Variants in LRRFIP1 observed in about 807,000 individuals in gnomAD.
LRRFIP1 encodes leucine-rich repeat flightless-interacting protein 1.
A neutral mutation model predicts 104.4 loss-of-function variants in LRRFIP1; 62 were observed. The observed-to-expected ratio is 0.59, with a 90% CI of 0.48 to 0.73. The LOEUF (loss-of-function observed/expected upper bound fraction) is 0.73. LRRFIP1 is among the 30% of genes least tolerant of loss of function. The pLI, the probability that LRRFIP1 is intolerant of heterozygous loss-of-function variation, is 0.00. For synonymous variants in LRRFIP1, 300 were observed against 299.0 expected, an observed-to-expected ratio of 1.00 and a Z score of -0.03; for missense variants, 796 against 824.5, an observed-to-expected ratio of 0.97 and a Z score of 0.42.
At chr2:237,726,965 C>G (rs1320986312) in intron 7 of LRRFIP1, among the ~76,000 whole-genome samples, 2 of 152,162 alleles carry the variant, frequency 1.3e-5, no homozygotes, top group Non-Finnish European at 2.9e-5. Context: ...GTTCAAATTT[C>G]ATTTTGAAAA....
At chr2:237,670,707 G>A (rs1303828037) in intron 1 of LRRFIP1, among the ~76,000 whole-genome samples, 1 of 152,216 alleles carries the variant, frequency 6.6e-6, no homozygotes, top group Non-Finnish European at 1.5e-5. Context: ...CTGCCTGCCT[G>A]GGCCCAGCTC....
chr2:237,737,222 G>A (rs569892051), intron 10 of LRRFIP1, among the ~76,000 whole-genome samples: 3 of 152,318 alleles, frequency 2.0e-5, no homozygotes, highest in Admixed American at 2.0e-4. Context: ...TCCAGGAGCC[G>A]AGGAAGTTGT....
Position 237,779,454 on chromosome 2 carries a change from C to A in LRRFIP1, c.1845C>A (p.Leu615=). 1 of 1,613,728 alleles carries A rather than the reference C, an allele frequency of 6.2e-7. No individual in the cohort carries two copies. The highest frequency in any genetic ancestry group is 1.1e-5 in the South Asian group (1 of 91,050). Reference sequence around the variant, plus strand: ...CTGCATTGGATAAAACAGAAGAGCTCGAGGTGAGCAACGGCCACTTAGTGA... The same window carrying A: ...CTGCATTGGATAAAACAGAAGAGCTAGAGGTGAGCAACGGCCACTTAGTGA... ...LRSALDKTEE[L]EVSNGHLVKR... The change falls in exon 24 of 24, where the codon CTC becomes CTA. Residue 615 remains leucine (L), a synonymous_variant. Coordinates refer to ENST00000308482, the MANE Select transcript of LRRFIP1 (RefSeq NM_001137550.2).
intron 7 of LRRFIP1, among the ~76,000 whole-genome samples, chr2:237,727,210 G>A (rs1371647690): frequency 6.6e-6 from 1 of 152,120 alleles, no homozygotes; most frequent in African/African-American, 2.4e-5. Context: ...GCAAAAATTA[G>A]CCGGGCGTGG....
At chr2:237,670,730 T>C (rs2090210047) in intron 1 of LRRFIP1, among the ~76,000 whole-genome samples, 1 of 152,204 alleles carries the variant, frequency 6.6e-6, no homozygotes, top group African/African-American at 2.4e-5. Context: ...GCTGTGTGGC[T>C]CAGGACTATG....
intron 7 of LRRFIP1, among the ~76,000 whole-genome samples, chr2:237,726,729 C>T (rs1400469038): frequency 1.3e-5 from 2 of 152,304 alleles, no homozygotes; most frequent in East Asian, 1.9e-4. Flanking sequence ...GTAGACTGCT[C>T]CTCCTTTTTC....
chr2:237,645,025 T>A (rs2084644570), intron 1 of LRRFIP1, among the ~76,000 whole-genome samples: 1 of 152,224 alleles, frequency 6.6e-6, no homozygotes, highest in Non-Finnish European at 1.5e-5. Context: ...ATAAAGTTAC[T>A]GCTTCTCCCT....
At chr2:237,746,820 AG>A (rs1169946690) in intron 11 of LRRFIP1, among the ~76,000 whole-genome samples, 1 of 152,220 alleles carries the variant, frequency 6.6e-6, no homozygotes, top group Non-Finnish European at 1.5e-5. Context: ...GGTCTTGGAC[AG>A]GGCCTCAGGT....
rs60153114 is a variant in LRRFIP1 at position 237,689,051 on chromosome 2, G to GA, written c.97-19479dup. On this transcript the variant is annotated intron_variant, in intron 1 of 23. Transcript: ENST00000308482. The stretch of plus-strand genomic sequence containing the variant: ...CTCACAATTGACCTTGCTCTACGTT[G>GA]AAAAAAAAAAAAAAGACTGGGGGTG... Among the ~76,000 whole-genome samples the GA allele has an allele frequency of 2.5e-3, 331 of 130,522 alleles. 5 individuals carry two copies. Among genetic ancestry groups the GA allele is most frequent in the African/African-American group, 5.1e-3 (184 of 36,032 alleles). 85.6% of individuals were successfully genotyped at this position (130,522 alleles called of 152,430 possible). A position where few individuals can be genotyped will look rare whatever the true frequency, so the allele number is the denominator to read the frequency against.
At position 237,717,320 on chromosome 2, in the gene LRRFIP1, C is replaced by T. The variant is rs112938441; in HGVS notation, c.202-442C>T. Among the ~76,000 whole-genome samples the T allele has an allele frequency of 2.6e-5, 4 of 152,252 alleles. No individual in the cohort carries two copies. The highest frequency in any genetic ancestry group is 5.9e-5 in the Non-Finnish European group (4 of 68,036). ...GTCAGCACGCAGTTTCTCCCCTTCT[C>T]CTCTCAGTTTCCCTGAGGTCCCAAC... On this transcript the variant is annotated intron_variant, in intron 3 of 23. Transcript: ENST00000308482. This position sits in a 1 kb window ranked among gnomAD's most constrained non-coding sequence, Gnocchi z 4.2.
intron 15 of LRRFIP1, among the ~76,000 whole-genome samples, chr2:237,755,551 T>G (rs530199362): frequency 5.3e-5 from 8 of 152,356 alleles, no homozygotes; most frequent in South Asian, 2.1e-4. Flanking sequence ...AGAAAATCCT[T>G]GTTGATTGCA....
At chr2:237,636,131 T>G (rs2083069778) in intron 1 of LRRFIP1, among the ~76,000 whole-genome samples, 1 of 151,624 alleles carries the variant, frequency 6.6e-6, no homozygotes, top group African/African-American at 2.4e-5. Context: ...AAGAAAAAGT[T>G]TGGAAACTTT....
At chr2:237,761,088 T>C (rs77239464) in intron 19 of LRRFIP1, among the ~76,000 whole-genome samples, 3,718 of 152,322 alleles carry the variant, frequency 0.024, 149 homozygotes, top group African/African-American at 0.083. Context: ...TTCATTTTAA[T>C]GTAGAAGCTT....
chr2:237,671,465 C>T (rs540274845), intron 1 of LRRFIP1, among the ~76,000 whole-genome samples: 14 of 152,286 alleles, frequency 9.2e-5, no homozygotes, highest in East Asian at 1.9e-4. Context: ...AAGTTGGAGA[C>T]GTTTAAATCA....
chr2:237,777,551 G>A (rs1433701089), intron 23 of LRRFIP1, among the ~76,000 whole-genome samples: 1 of 152,120 alleles, frequency 6.6e-6, no homozygotes, highest in African/African-American at 2.4e-5. Flanking sequence ...CCATTGAGCT[G>A]TTGAGAAAGT....
chr2:237,645,229 T>C (rs1418676987), intron 1 of LRRFIP1, among the ~76,000 whole-genome samples: 1 of 152,208 alleles, frequency 6.6e-6, no homozygotes, highest in Non-Finnish European at 1.5e-5. Context: ...TATTCATCCA[T>C]GGATAGGTCA....
chr2:237,741,360 C>G (rs1304932356), intron 11 of LRRFIP1, among the ~76,000 whole-genome samples: 2 of 152,178 alleles, frequency 1.3e-5, no homozygotes, highest in African/African-American at 4.8e-5. Flanking sequence ...TGGCCAGCCC[C>G]CAAGGCTGTG....
At chr2:237,748,451 G>C (rs773616240) in intron 12 of LRRFIP1, 52 bp downstream of exon 12, 10 of 1,480,466 alleles carry the variant, frequency 6.8e-6, no homozygotes, top group Non-Finnish European at 9.2e-6. Context: ...GGATGAAATT[G>C]ATAAGAAAAT....
At chr2:237,763,777 C>T in intron 19 of LRRFIP1, 1 of 1,614,172 alleles carries the variant, frequency 6.2e-7, no homozygotes, top group Non-Finnish European at 8.5e-7. Flanking sequence ...AATCATCAGG[C>T]CCGAGGGCTG....
Sources: gnomAD v4.1 joint callset for allele counts (sites outside exome capture counted in the v4.1 genomes callset) on GRCh38, gnomAD v4.1.1 for gene constraint, Gnocchi (gnomAD v3.1) non-coding constraint, MANE v1.5 for transcripts, NCBI Gene and HGNC (gene_info 2026-07-23, HGNC 2026-07-21) for gene names.